The following NEK1 variants were observed in gnomAD, a reference collection of about 807,000 sequenced individuals.
NEK1 encodes serine/threonine-protein kinase Nek1.
In NEK1, 137 loss-of-function variants were observed where a neutral mutation model predicts 182.1. The observed-to-expected ratio is 0.75, with a 90% CI of 0.65 to 0.87. The LOEUF (loss-of-function observed/expected upper bound fraction) is 0.87. Ranked by LOEUF, NEK1 falls within the 40% of genes least tolerant of loss-of-function variation. The pLI, the probability that NEK1 is intolerant of heterozygous loss-of-function variation, is 0.00. For synonymous variants in NEK1, 513 were observed against 492.2 expected, an observed-to-expected ratio of 1.04 and a Z score of -0.56; for missense variants, 1,391 against 1,494.4, an observed-to-expected ratio of 0.93 and a Z score of 1.14.
chr4:169,432,145 T>C (rs987330124), intron 29 of NEK1, among the ~76,000 whole-genome samples: 2 of 152,170 alleles, frequency 1.3e-5, no homozygotes, highest in African/African-American at 4.8e-5. Flanking sequence ...TGAAAAGATG[T>C]GCTTACCTTT....
At chr4:169,554,258 A>C (rs1761833664) in intron 18 of NEK1, 1 of 152,226 alleles carries the variant, frequency 6.6e-6, no homozygotes, top group African/African-American at 2.4e-5. Context: ...TTCTACAAAA[A>C]ATTTAAAAAA....
At chr4:169,504,939 ACG>A (rs1752988037) in intron 23 of NEK1, among the ~76,000 whole-genome samples, 1 of 152,188 alleles carries the variant, frequency 6.6e-6, no homozygotes, top group South Asian at 2.1e-4. Context: ...ATTTACCCTA[ACG>A]TGATTAGTTT....
intron 31 of NEK1, among the ~76,000 whole-genome samples, chr4:169,408,475 ATTTT>A (rs961276345): frequency 6.6e-6 from 1 of 151,740 alleles, no homozygotes; most frequent in African/African-American, 2.4e-5. Flanking sequence ...AATACAAATG[ATTTT>A]TTTTATTTCA....
At chr4:169,406,039 G>A (rs1005287746) in intron 32 of NEK1, among the ~76,000 whole-genome samples, 3 of 151,922 alleles carry the variant, frequency 2.0e-5, no homozygotes, top group South Asian at 2.1e-4. Flanking sequence ...AGAGGTCGCC[G>A]TGAGCCAAGA....
rs1762117229 is a variant in NEK1 at position 169,556,032 on chromosome 4, C to T, written c.1330G>A (p.Glu444Lys). 6.2e-7 allele frequency: 1 copy of T among 1,613,544 alleles called. No homozygotes were observed. The highest frequency in any genetic ancestry group is 1.3e-5 in the African/African-American group (1 of 74,908). Residue 444 changes from glutamate (E) to lysine (K), a missense_variant, in exon 17 of 36, where the codon GAA (glutamate) becomes AAA (lysine). Glu to Lys is a moderately conservative substitution (Grantham distance 56, BLOSUM62 1). Transcript: ENST00000507142. Reference protein sequence around the residue: ...PSSFSSRGQYEHYHAIFDQMQ... With the variant: ...PSSFSSRGQYKHYHAIFDQMQ... Reference sequence around the variant, plus strand: ...TGGTCAAAAATGGCATGGTAATGTTCATACTGTCCTCGAGAAGAAAAAGAT... The same window carrying T: ...TGGTCAAAAATGGCATGGTAATGTTTATACTGTCCTCGAGAAGAAAAAGAT...
At chr4:169,494,558 A>G (rs1750787641) in intron 23 of NEK1, among the ~76,000 whole-genome samples, 1 of 152,200 alleles carries the variant, frequency 6.6e-6, no homozygotes, top group African/African-American at 2.4e-5. Flanking sequence ...CAATAAACAT[A>G]CGTGTGCTTG....
chr4:169,444,273 T>G (rs915565007), intron 27 of NEK1, among the ~76,000 whole-genome samples: 1 of 151,890 alleles, frequency 6.6e-6, no homozygotes, highest in East Asian at 1.9e-4. Context: ...TCCTCACCTA[T>G]CAATAATAAC....
chr4:169,477,407 G>T, intron 25 of NEK1, 25 bp downstream of exon 25: 1 of 1,582,448 alleles, frequency 6.3e-7, no homozygotes, highest in Non-Finnish European at 8.6e-7. Context: ...TAAAATGATT[G>T]ATAAACTTTG....
chr4:169,397,324 A>T (rs11733142), intron 35 of NEK1, among the ~76,000 whole-genome samples: 8,967 of 152,250 alleles, frequency 0.059, 269 homozygotes, highest in African/African-American at 0.073. Context: ...CAAAACGGTT[A>T]TTCTGAATCA....
chr4:169,484,221 G>A (rs1433696861), intron 23 of NEK1, among the ~76,000 whole-genome samples: 1 of 152,096 alleles, frequency 6.6e-6, no homozygotes, highest in Non-Finnish European at 1.5e-5. Context: ...GCACATTTTT[G>A]TATTTTTAGT....
Position 169,463,395 on chromosome 4 carries a change from C to T in NEK1, c.2435G>A (p.Arg812Lys), listed in dbSNP as rs922624000. The T allele has an allele frequency of 1.3e-6, 2 of 1,590,726 alleles. No individual in the cohort carries two copies. The highest frequency in any genetic ancestry group is 1.7e-6 in the Non-Finnish European group (2 of 1,167,414). ...TLDTSFSTTE[R>K]HTVGEVIKLG... ...TTTAATAACTTCTCCCACTGTATGT[C>T]CTATAAGAAAAATATACAAAGAAAC... The change falls in exon 27 of 36, where the codon AGA becomes AAA. Residue 812 changes from arginine to lysine, a missense_variant and splice_region_variant. Physicochemically the swap from Arg to Lys is conservative, Grantham distance 26. This residue lies in a region of NEK1 where 1,216 missense variants were observed against 1,277.6 expected (regional missense o/e 0.95). Coordinates refer to ENST00000507142, the MANE Select transcript of NEK1 (RefSeq NM_001199397.3).
chr4:169,495,204 T>G (rs7439705), intron 23 of NEK1, among the ~76,000 whole-genome samples: 14,542 of 150,898 alleles, frequency 0.096, 811 homozygotes, highest in East Asian at 0.17. Context: ...GGTTTTCTTC[T>G]AGGGTTTTTA....
chr4:169,537,998 T>G, intron 18 of NEK1, 87 bp from the exon 19 acceptor site: 1 of 911,626 alleles, frequency 1.1e-6, no homozygotes, highest in Non-Finnish European at 1.7e-6. Flanking sequence ...AATTTTTTTT[T>G]CATTTCAGAA....
At chr4:169,569,703 G>A (rs1455853247) in intron 12 of NEK1, among the ~76,000 whole-genome samples, 2 of 151,770 alleles carry the variant, frequency 1.3e-5, no homozygotes, top group African/African-American at 4.8e-5. Context: ...TGTGTTGGCC[G>A]GGCTGGTCTC....
chr4:169,526,727 A>G (rs1035252217), intron 19 of NEK1, among the ~76,000 whole-genome samples: 9 of 152,300 alleles, frequency 5.9e-5, no homozygotes, highest in African/African-American at 2.2e-4. Flanking sequence ...ATAATTGTTC[A>G]GGCTTATTTG....
chr4:169,409,319 T>C (rs1382359665), intron 31 of NEK1, among the ~76,000 whole-genome samples: 1 of 152,014 alleles, frequency 6.6e-6, no homozygotes, highest in Non-Finnish European at 1.5e-5. Flanking sequence ...TAATTTTTTG[T>C]ATTTTTAGTA....
chr4:169,488,420 T>C (rs539142863), intron 23 of NEK1, among the ~76,000 whole-genome samples: 6 of 152,342 alleles, frequency 3.9e-5, no homozygotes, highest in Admixed American at 3.9e-4. Flanking sequence ...GCACCATTTA[T>C]TAAATAGGAA....
chr4:169,492,925 C>A (rs1165672897), intron 23 of NEK1, among the ~76,000 whole-genome samples: 1 of 152,132 alleles, frequency 6.6e-6, no homozygotes. Context: ...TCGGAACAAA[C>A]GTGGAGAAGG....
chr4:169,393,096 C>T lies in NEK1; in HGVS notation c.*1414G>A, dbSNP rs371835071. The T allele has an allele frequency of 1.3e-5, 2 of 152,178 alleles. No individual in the cohort carries two copies. The highest frequency in any genetic ancestry group is 4.2e-4 in the South Asian group (2 of 4,812). The allele number at this position is 152,178 out of a possible 1,614,324, so 9.4% of individuals were successfully genotyped here. ...TAATAGTTTAAGAATTAATACACAA[C>T]CTCCCCAAAATCATGCCCATCTTTC... On this transcript the variant is annotated 3_prime_UTR_variant, in exon 36 of 36. Coordinates refer to ENST00000507142, the MANE Select transcript of NEK1 (RefSeq NM_001199397.3).
Sources: allele counts gnomAD v4.1 joint callset (sites outside exome capture counted in the v4.1 genomes callset), GRCh38; gene constraint gnomAD v4.1.1; regional missense constraint gnomAD v4.1.1; transcripts MANE v1.5; gene names NCBI Gene and HGNC (gene_info 2026-07-23, HGNC 2026-07-21).